CSMD1: variants seen among roughly 807,000 people sequenced by gnomAD.
The protein encoded by CSMD1 is CUB and Sushi multiple domains 1.
In CSMD1, 213 loss-of-function variants were observed where a neutral mutation model predicts 417.5. That is an observed-to-expected ratio of 0.51 (90% confidence interval 0.46 to 0.57). The LOEUF is 0.57. Ranked by LOEUF, CSMD1 falls within the 20% of genes least tolerant of loss-of-function variation. The pLI is 0.00. For missense variants in CSMD1, 6,923 were observed against 4,529.7 expected, an observed-to-expected ratio of 1.53 and a Z score of -15.17; for synonymous variants, 2,862 against 1,736.8, an observed-to-expected ratio of 1.65 and a Z score of -16.11.
intron 12 of CSMD1, among the ~76,000 whole-genome samples, chr8:3,429,585 G>T (rs910945745): frequency 6.6e-6 from 1 of 152,176 alleles, no homozygotes; most frequent in African/African-American, 2.4e-5. Flanking sequence ...TCTGGGAGGG[G>T]TCAACAATGT....
intron 67 of CSMD1, 145 bp from the exon 68 acceptor site, chr8:2,949,531 T>G (rs1394728494): frequency 1.1e-5 from 5 of 452,426 alleles, no homozygotes; most frequent in Non-Finnish European, 1.1e-5. Flanking sequence ...CCATGGCTTT[T>G]GGTGACACAT....
At chr8:4,292,982 G>T (rs777797006) in intron 3 of CSMD1, among the ~76,000 whole-genome samples, 1 of 152,202 alleles carries the variant, frequency 6.6e-6, no homozygotes, top group Non-Finnish European at 1.5e-5. Context: ...GACGTGAACA[G>T]TCTCTTTTCT....
At chr8:4,419,174 A>G (rs1227354674) in intron 3 of CSMD1, among the ~76,000 whole-genome samples, 2 of 152,158 alleles carry the variant, frequency 1.3e-5, no homozygotes, top group African/African-American at 4.8e-5. Context: ...TACACCCCTA[A>G]CGATAGATTG....
intron 5 of CSMD1, among the ~76,000 whole-genome samples, chr8:3,915,880 C>G (rs910439266): frequency 2.0e-5 from 3 of 149,298 alleles, no homozygotes; most frequent in Non-Finnish European, 3.0e-5. Flanking sequence ...TTTTGAATAA[C>G]AAGGAAATTA....
intron 2 of CSMD1, among the ~76,000 whole-genome samples, chr8:4,560,329 G>C (rs80117168): frequency 6.6e-6 from 1 of 152,192 alleles, no homozygotes; most frequent in Non-Finnish European, 1.5e-5. Context: ...GATACAGCAC[G>C]TGGTCTCCTA....
chr8:4,344,677 G>A (rs1800679934), intron 3 of CSMD1, among the ~76,000 whole-genome samples: 1 of 151,872 alleles, frequency 6.6e-6, no homozygotes, highest in Non-Finnish European at 1.5e-5. Flanking sequence ...TAAACACAAA[G>A]ATATTAAAAA....
rs1479656416 is a variant in CSMD1, at chr8:3,142,610, A to G, written c.6096T>C (p.Asn2032=). Residue 2032 remains asparagine (N), a synonymous_variant, in exon 41 of 70, where the codon AAT becomes AAC. Transcript: ENST00000635120. ...EANHDFLEIQ[N]GPYHTSPMIG... ...TCATGGGGCTGGTGTGGTAAGGTCC[A>G]TTTTGAATTTCAAGGAAGTCATGAT... 7 of 1,614,052 alleles carry G rather than the reference A, an allele frequency of 4.3e-6. No individual in the cohort carries two copies. Among genetic ancestry groups the G allele is most frequent in the Non-Finnish European group, 5.9e-6 (7 of 1,179,896 alleles).
At chr8:4,285,909 A>G (rs1797033313) in intron 3 of CSMD1, among the ~76,000 whole-genome samples, 1 of 152,164 alleles carries the variant, frequency 6.6e-6, no homozygotes, top group African/African-American at 2.4e-5. Context: ...AGTATTTTAA[A>G]TACCATCTGC....
At chr8:3,406,270 A>C (rs756230090) in intron 14 of CSMD1, 49 bp from the exon 15 acceptor site, 51 of 1,413,028 alleles carry the variant, frequency 3.6e-5, no homozygotes, top group Non-Finnish European at 4.9e-5. Flanking sequence ...TTGAGTATTA[A>C]TTACATGTAT....
At chr8:3,729,018 C>T (rs1457056526) in intron 6 of CSMD1, among the ~76,000 whole-genome samples, 3 of 152,278 alleles carry the variant, frequency 2.0e-5, no homozygotes, top group South Asian at 2.1e-4. Context: ...TGGGGAGCCC[C>T]GCCAAACCGA....
intron 2 of CSMD1, among the ~76,000 whole-genome samples, chr8:4,459,983 G>T (rs73178977): frequency 5.3e-5 from 8 of 152,170 alleles, no homozygotes; most frequent in African/African-American, 1.7e-4. Context: ...ATGACCATCA[G>T]ACTAGACAAC....
Position 4,427,874 on chromosome 8 carries a change from G to A in CSMD1, c.303-7809C>T, listed in dbSNP as rs1158543390. Among the ~76,000 whole-genome samples the A allele has an allele frequency of 3.3e-5, 5 of 152,168 alleles. No homozygotes were observed. In the South Asian group the frequency reaches 1.0e-3, roughly 32 times the overall value. Reference sequence around the variant, plus strand: ...AACCCTGTTGAATTTTAAAGTCAGGGATCACTACTTAATATAATGTCTCTA... The same window carrying A: ...AACCCTGTTGAATTTTAAAGTCAGGAATCACTACTTAATATAATGTCTCTA... On this transcript the variant is annotated intron_variant, in intron 2 of 69. Transcript: ENST00000635120.
intron 2 of CSMD1, among the ~76,000 whole-genome samples, chr8:4,518,944 AC>A (rs1401820789): frequency 1.3e-5 from 2 of 152,086 alleles, no homozygotes; most frequent in East Asian, 3.9e-4. Flanking sequence ...AGCCTAATAG[AC>A]ACATTCTCCC....
intron 52 of CSMD1, among the ~76,000 whole-genome samples, chr8:3,006,027 T>G (rs549134744): frequency 2.1e-4 from 32 of 151,994 alleles, no homozygotes; most frequent in African/African-American, 6.8e-4. Context: ...AAAACCCCAT[T>G]GTCTCAGCCC....
At chr8:3,727,301 A>G (rs1044520044) in intron 6 of CSMD1, among the ~76,000 whole-genome samples, 2 of 152,214 alleles carry the variant, frequency 1.3e-5, no homozygotes, top group African/African-American at 2.4e-5. Flanking sequence ...CAGTCAGCTC[A>G]TCTGCAGAGC....
At chr8:4,625,619 A>G (rs2616984) in intron 2 of CSMD1, among the ~76,000 whole-genome samples, 44,217 of 151,888 alleles carry the variant, frequency 0.29, 6,853 homozygotes, top group Middle Eastern at 0.4. Flanking sequence ...TATCCCGTGC[A>G]TTTACATTTT....
At chr8:3,036,764 A>G (rs748877465) in intron 50 of CSMD1, among the ~76,000 whole-genome samples, 5 of 152,122 alleles carry the variant, frequency 3.3e-5, no homozygotes, top group Non-Finnish European at 5.9e-5. Context: ...ATCCTCTCTT[A>G]AAAAACCCGT....
intron 25 of CSMD1, among the ~76,000 whole-genome samples, chr8:3,293,656 G>T (rs189911265): frequency 4.6e-5 from 7 of 152,150 alleles, no homozygotes; most frequent in East Asian, 3.9e-4. Flanking sequence ...CGTAGTCCTC[G>T]TGCCTTGGTT....
Position 2,935,414 on chromosome 8 carries a change from G to C in CSMD1, c.*3171C>G, listed in dbSNP as rs1326445414. ...ATTTGCTTTAAAGATTGGTGGCATTGCACAGGCTATATTACACCCTCTTTA... is the reference window on the plus strand; with the variant it reads ...ATTTGCTTTAAAGATTGGTGGCATTCCACAGGCTATATTACACCCTCTTTA... On this transcript the variant is annotated 3_prime_UTR_variant, in exon 70 of 70. Coordinates refer to ENST00000635120, the MANE Select transcript of CSMD1 (RefSeq NM_033225.6). 6.6e-6 allele frequency: 1 copy of C among 152,066 alleles called. No homozygotes were observed. Among genetic ancestry groups the C allele is most frequent in the African/African-American group, 2.4e-5 (1 of 41,394 alleles). The allele number at this position is 152,066 out of a possible 1,614,324, so 9.4% of individuals were successfully genotyped here.
Sources: gnomAD v4.1 joint callset for allele counts (sites outside exome capture counted in the v4.1 genomes callset) on GRCh38, gnomAD v4.1.1 for gene constraint, MANE v1.5 for transcripts, NCBI Gene and HGNC (gene_info 2026-07-23, HGNC 2026-07-21) for gene names.